The following CARS2 variants were observed in gnomAD, a reference collection of about 807,000 sequenced individuals.
The protein encoded by CARS2 is cysteinyl-tRNA synthetase 2, mitochondrial.
Under a neutral mutation model 68.8 loss-of-function variants are expected in CARS2, and 52 were observed. The ratio of observed to expected loss-of-function variants is 0.76; its 90% CI spans 0.61 to 0.95. The LOEUF is 0.95. Among genes scored for constraint, CARS2 ranks in the 40% least tolerant of loss-of-function variants. CARS2 has a pLI of 0.00. For synonymous variants in CARS2, 314 were observed against 303.6 expected (o/e 1.03, Z -0.36); for missense variants, 780 against 754.2 (o/e 1.03, Z -0.40).
At chr13:110,712,966 G>C (rs1330351851) in intron 1 of CARS2, 2 of 1,559,848 alleles carry the variant, frequency 1.3e-6, no homozygotes, top group Non-Finnish European at 1.7e-6. Flanking sequence ...TGGTGGTCCG[G>C]CCGCGGAATG....
intron 9 of CARS2, among the ~76,000 whole-genome samples, chr13:110,656,907 C>A (rs1477658727): frequency 6.6e-6 from 1 of 150,734 alleles, no homozygotes; most frequent in Non-Finnish European, 1.5e-5. Flanking sequence ...AAAAAACGTT[C>A]TTAGATAGTG....
intron 3 of CARS2, among the ~76,000 whole-genome samples, chr13:110,695,474 G>A (rs981032263): frequency 1.3e-5 from 2 of 152,134 alleles, no homozygotes; most frequent in Non-Finnish European, 1.5e-5. Context: ...TGGTATGTGG[G>A]GAGGGGGTCC....
chr13:110,676,917 T>C lies in CARS2; in HGVS notation c.785+57A>G. The stretch of plus-strand genomic sequence containing the variant: ...CTCCCATGCACATCCTCTGCTGCCC[T>C]GAGCAGGCACCAGGGGAACTTGAGC... On this transcript the variant is annotated intron_variant, in intron 7 of 14. Coordinates refer to ENST00000257347, the MANE Select transcript of CARS2 (RefSeq NM_024537.4). The surrounding 1 kb of genome is among the most constrained non-coding windows in gnomAD (Gnocchi z 4.0). 6.8e-7 allele frequency: 1 copy of C among 1,475,612 alleles called. No homozygotes were observed. The allele number at this position is 1,475,612 out of a possible 1,614,324, so 91.4% of individuals were successfully genotyped here. A position where few individuals can be genotyped will look rare whatever the true frequency, so the allele number is the denominator to read the frequency against.
chr13:110,662,456 A>C (rs1389196616), intron 9 of CARS2, among the ~76,000 whole-genome samples: 1 of 152,250 alleles, frequency 6.6e-6, no homozygotes, highest in Non-Finnish European at 1.5e-5. Flanking sequence ...CCTCTGTGTC[A>C]TGCAACCCTG....
At position 110,688,020 on chromosome 13, in the gene CARS2, T is replaced by C. The variant is rs372411251; in HGVS notation, c.394-2A>G. 1.2e-6 allele frequency: 2 copies of C among 1,605,102 alleles called. No individual in the cohort carries two copies. Among genetic ancestry groups the C allele is most frequent in the African/African-American group, 1.3e-5 (1 of 74,876 alleles). On this transcript the variant is annotated splice_acceptor_variant, in intron 3 of 14. Transcript: ENST00000257347. LOFTEE classifies it high-confidence loss of function. Reference sequence around the variant, plus strand: ...GAGGGAAGCGGGGGAAATATTCATCTGCAGAAGGATTAGATGTGCACGTTA... The same window carrying C: ...GAGGGAAGCGGGGGAAATATTCATCCGCAGAAGGATTAGATGTGCACGTTA...
At chr13:110,682,281 T>G (rs2063178851) in intron 6 of CARS2, among the ~76,000 whole-genome samples, 1 of 152,216 alleles carries the variant, frequency 6.6e-6, no homozygotes, top group Non-Finnish European at 1.5e-5. Context: ...CCTCCACATG[T>G]GTAAGCAAAG....
In CARS2 at chr13:110,651,081, G is replaced by C. The variant is rs556565233; in HGVS notation, c.1007C>G (p.Ser336Cys). 1 of 1,613,484 alleles carries C rather than the reference G, an allele frequency of 6.2e-7. No individual in the cohort carries two copies. Among genetic ancestry groups the C allele is most frequent in the Admixed American group, 1.7e-5 (1 of 60,002 alleles). Reference sequence around the variant, plus strand: ...GCAGAAGAACCGGAAGACATCGGGGGAAAAGGTCTTCAGAAAGTCCTGGTA... The same window carrying C: ...GCAGAAGAACCGGAAGACATCGGGGCAAAAGGTCTTCAGAAAGTCCTGGTA... ...ITIKDFLKTF[S>C]PDVFRFFCLR... Residue 336 changes from serine to cysteine, a missense_variant, in exon 10 of 15, where the codon TCC becomes TGC. Physicochemically the swap from Ser to Cys is moderately radical, Grantham distance 112 (BLOSUM62 -1). Transcript: ENST00000257347.
chr13:110,667,471 A>G lies in CARS2; in HGVS notation c.788T>C (p.Met263Thr), dbSNP rs2139765950. ...GATATCCAGTTGACTTCCAAATACCATACTGCAAGACACAGTGCAAAGTAG... is the reference window on the plus strand; with the variant it reads ...GATATCCAGTTGACTTCCAAATACCGTACTGCAAGACACAGTGCAAAGTAG... Reference protein sequence around the residue: ...WHIECSAIASMVFGSQLDIHS... With the variant: ...WHIECSAIASTVFGSQLDIHS... Residue 263 changes from methionine to threonine, a missense_variant and splice_region_variant, in exon 8 of 15, where the codon ATG becomes ACG. Met to Thr is a moderately conservative substitution (Grantham distance 81). Transcript: ENST00000257347. 1.2e-6 allele frequency: 2 copies of G among 1,613,752 alleles called. No individual in the cohort carries two copies. The highest frequency in any genetic ancestry group is 1.7e-6 in the Non-Finnish European group (2 of 1,179,836).
chr13:110,672,582 T>G (rs2139787087), intron 7 of CARS2, among the ~76,000 whole-genome samples: 1 of 152,240 alleles, frequency 6.6e-6, no homozygotes, highest in East Asian at 1.9e-4. Flanking sequence ...AGAGGGAAAT[T>G]TATAGCACTA....
rs751387497 is a variant in CARS2, at chr13:110,705,920, G to A, written c.174C>T (p.Leu58=). The change falls in exon 1 of 15, where the codon CTC becomes CTT. Residue 58 remains leucine (L), a synonymous_variant. Coordinates refer to ENST00000257347, the MANE Select transcript of CARS2 (RefSeq NM_024537.4). The surrounding 1 kb of genome is among the most constrained non-coding windows in gnomAD (Gnocchi z 4.0). The part of the protein sequence containing the change: ...RETGVQVYNS[L]TGRKEPLIVA... ...CGATTAGGGGTTCCTTCCTCCCGGT[G>A]AGGCTGTTGTACACCTGCACACCCG... 5.2e-5 allele frequency: 82 copies of A among 1,575,250 alleles called. No individual in the cohort carries two copies. The highest frequency in any genetic ancestry group is 6.8e-5 in the Non-Finnish European group (79 of 1,162,950).
rs751432631 is a variant in CARS2, at chr13:110,705,782, C to T, written c.224+88G>A. ...GGCGCCCTCCATGCAGCTTCCTAAA[C>T]GCCCTCCCCGAGCCCAGATCCCGTT... is the stretch of plus-strand genomic sequence containing the variant. On this transcript the variant is annotated intron_variant, in intron 1 of 14. Coordinates refer to ENST00000257347, the MANE Select transcript of CARS2 (RefSeq NM_024537.4). This position sits in a 1 kb window ranked among gnomAD's most constrained non-coding sequence, Gnocchi z 4.0. 2.0e-6 allele frequency: 3 copies of T among 1,527,540 alleles called. No individual in the cohort carries two copies. Among genetic ancestry groups the T allele is most frequent in the Non-Finnish European group, 2.6e-6 (3 of 1,140,702 alleles). 94.6% of individuals were successfully genotyped at this position (1,527,540 alleles called of 1,614,324 possible). A position where few individuals can be genotyped will look rare whatever the true frequency, so the allele number is the denominator to read the frequency against.
At chr13:110,700,169 G>A (rs1048681805) in intron 3 of CARS2, among the ~76,000 whole-genome samples, 1 of 152,144 alleles carries the variant, frequency 6.6e-6, no homozygotes, top group Admixed American at 6.5e-5. Context: ...CTGAGTGGAG[G>A]GCCACCTTAC....
chr13:110,675,189 C>A (rs2062911379), intron 7 of CARS2, among the ~76,000 whole-genome samples: 1 of 152,106 alleles, frequency 6.6e-6, no homozygotes, highest in African/African-American at 2.4e-5. Context: ...ACCATTTGAC[C>A]CAGCCATCCC....
At chr13:110,651,401 C>T (rs1290905356) in intron 9 of CARS2, among the ~76,000 whole-genome samples, 1 of 152,224 alleles carries the variant, frequency 6.6e-6, no homozygotes, top group African/African-American at 2.4e-5. Context: ...AGCCTGGGCT[C>T]TCTTTCTGCA....
chr13:110,706,861 C>T (rs2063971773), upstream of CARS2, among the ~76,000 whole-genome samples: 1 of 150,354 alleles, frequency 6.7e-6, no homozygotes, highest in African/African-American at 2.5e-5. Flanking sequence ...CTGCAGCACA[C>T]CATCAGCATC....
intron 6 of CARS2, among the ~76,000 whole-genome samples, chr13:110,679,601 G>GAGAGAAAGAAAGAAAGAAAGAAAGAA (rs2063091384): frequency 7.0e-5 from 6 of 85,854 alleles, no homozygotes; most frequent in African/African-American, 3.3e-4. Flanking sequence ...GAAAGAAAGA[G>GAGAGAAAGAAAGAAAGAAAGAAAGAA]AGAGAGAGAG....
intron 9 of CARS2, among the ~76,000 whole-genome samples, chr13:110,652,340 C>T (rs1295919286): frequency 1.3e-5 from 2 of 152,262 alleles, no homozygotes; most frequent in Non-Finnish European, 2.9e-5. Flanking sequence ...CGGCGGAGTC[C>T]AGCTCAAAAT....
In CARS2 at chr13:110,676,692, A is replaced by G. The variant is rs193013297; in HGVS notation, c.785+282T>C. 8.5e-5 allele frequency among the ~76,000 whole-genome samples: 13 copies of G among 152,262 alleles called. No individual in the cohort carries two copies. Among genetic ancestry groups the G allele is most frequent in the Non-Finnish European group, 2.9e-5 (2 of 67,990 alleles). On this transcript the variant is annotated intron_variant, in intron 7 of 14. Coordinates refer to ENST00000257347, the MANE Select transcript of CARS2 (RefSeq NM_024537.4). This position sits in a 1 kb window ranked among gnomAD's most constrained non-coding sequence, Gnocchi z 4.0. ...TCCTCCAGGGCCCCAAGCACCAGCC[A>G]CTACAGAGAAGGGTGAGGGAACAGG...
At chr13:110,673,557 C>T (rs1484614099) in intron 7 of CARS2, among the ~76,000 whole-genome samples, 4 of 152,196 alleles carry the variant, frequency 2.6e-5, no homozygotes, top group Admixed American at 6.5e-5. Flanking sequence ...ATTGATGGGG[C>T]GTATCTCAAA....
Sources: allele counts gnomAD v4.1 joint callset (sites outside exome capture counted in the v4.1 genomes callset), GRCh38; gene constraint gnomAD v4.1.1; non-coding constraint Gnocchi (gnomAD v3.1); transcripts MANE v1.5; gene names NCBI Gene and HGNC (gene_info 2026-07-23, HGNC 2026-07-21).